PABPC4L: variants seen among roughly 807,000 people sequenced by gnomAD.
PABPC4L encodes poly(A) binding protein cytoplasmic 4 like.
For missense variants in PABPC4L, 452 were observed against 451.4 expected, an observed-to-expected ratio of 1.00 and a Z score of -0.01; for synonymous variants, 169 against 164.1, an observed-to-expected ratio of 1.03 and a Z score of -0.23.
At chr4:134,049,736 G>GT in the PABPC4L span, among the ~76,000 whole-genome samples, 1 of 152,152 alleles carries the variant, frequency 6.6e-6, no homozygotes, top group African/African-American at 2.4e-5. Context: ...ATTTGAAAGT[G>GT]TTTTTTAAAA....
chr4:134,052,573 C>T, the PABPC4L span, among the ~76,000 whole-genome samples: 1 of 151,848 alleles, frequency 6.6e-6, no homozygotes, highest in Non-Finnish European at 1.5e-5. Flanking sequence ...TAAGTAATCT[C>T]TTGTCGGTTC....
chr4:134,087,810 C>T, the PABPC4L span, among the ~76,000 whole-genome samples: 1 of 152,114 alleles, frequency 6.6e-6, no homozygotes, highest in Non-Finnish European at 1.5e-5. Context: ...TCCTCCTGGC[C>T]TTTTCCCTCT....
At chr4:133,970,353 T>C in the PABPC4L span, among the ~76,000 whole-genome samples, 13 of 152,014 alleles carry the variant, frequency 8.6e-5, no homozygotes, top group African/African-American at 3.1e-4. Context: ...TCCTCTTTCC[T>C]CATTTTACAT....
At chr4:134,034,351 A>G in the PABPC4L span, among the ~76,000 whole-genome samples, 1 of 151,950 alleles carries the variant, frequency 6.6e-6, no homozygotes. Flanking sequence ...GTACAAGGAA[A>G]TAAATGTTGT....
chr4:134,179,489 T>A, the PABPC4L span, among the ~76,000 whole-genome samples: 38 of 152,186 alleles, frequency 2.5e-4, no homozygotes, highest in African/African-American at 8.7e-4. Context: ...GAAGTCTGCA[T>A]AATATCCAGC....
At chr4:134,109,771 C>T in the PABPC4L span, among the ~76,000 whole-genome samples, 1 of 149,150 alleles carries the variant, frequency 6.7e-6, no homozygotes, top group South Asian at 2.1e-4. Context: ...TTTGAGACAT[C>T]GTCTTGCTCT....
the PABPC4L span, among the ~76,000 whole-genome samples, chr4:134,188,667 C>T: frequency 6.6e-6 from 1 of 152,154 alleles, no homozygotes; most frequent in Non-Finnish European, 1.5e-5. Context: ...TGCTTGGTTA[C>T]TAAGAACTCA....
the PABPC4L span, among the ~76,000 whole-genome samples, chr4:134,059,386 C>CTATATATATATATATATA: frequency 2.8e-5 from 4 of 142,534 alleles, no homozygotes; most frequent in Admixed American, 2.8e-4. Context: ...AGGAAACAAA[C>CTATATATATATATATATA]TATATATATA....
At chr4:134,162,809 A>G in the PABPC4L span, among the ~76,000 whole-genome samples, 1 of 152,128 alleles carries the variant, frequency 6.6e-6, no homozygotes, top group Non-Finnish European at 1.5e-5. Context: ...AAATTTTTCA[A>G]AATGAATATT....
chr4:134,151,526 A>G, the PABPC4L span, among the ~76,000 whole-genome samples: 1 of 152,066 alleles, frequency 6.6e-6, no homozygotes, highest in Non-Finnish European at 1.5e-5. Context: ...TTTATTTCAG[A>G]ATGGTAACTT....
the PABPC4L span, among the ~76,000 whole-genome samples, chr4:133,957,906 G>A: frequency 7.2e-5 from 11 of 152,292 alleles, no homozygotes; most frequent in Admixed American, 2.0e-4. Flanking sequence ...CTGAGGCTGC[G>A]CAGAGCAGGG....
the PABPC4L span, among the ~76,000 whole-genome samples, chr4:134,001,467 A>G: frequency 5.3e-5 from 8 of 152,240 alleles, no homozygotes; most frequent in Non-Finnish European, 1.2e-4. Context: ...GCAATGTTTT[A>G]TCATCATAGT....
the PABPC4L span, among the ~76,000 whole-genome samples, chr4:134,160,559 C>T: frequency 9.2e-5 from 14 of 152,240 alleles, no homozygotes; most frequent in African/African-American, 2.4e-4. Flanking sequence ...AATGCCAAGA[C>T]GTTGATAAAT....
At chr4:133,995,251 C>T in the PABPC4L span, among the ~76,000 whole-genome samples, 1 of 152,160 alleles carries the variant, frequency 6.6e-6, no homozygotes, top group Non-Finnish European at 1.5e-5. Context: ...TTACCTTGGT[C>T]TCTACTATTG....
At chr4:134,046,786 T>A in the PABPC4L span, among the ~76,000 whole-genome samples, 3 of 152,218 alleles carry the variant, frequency 2.0e-5, no homozygotes, top group African/African-American at 4.8e-5. Context: ...ACAAGGCACA[T>A]CCTGCACAGC....
At chr4:133,998,806 A>G in the PABPC4L span, among the ~76,000 whole-genome samples, 1 of 151,530 alleles carries the variant, frequency 6.6e-6, no homozygotes. Flanking sequence ...CATAAGTAGG[A>G]TCTTTCCCCC....
the PABPC4L span, among the ~76,000 whole-genome samples, chr4:134,175,581 T>G: frequency 2.0e-5 from 3 of 152,090 alleles, no homozygotes; most frequent in Non-Finnish European, 2.9e-5. Context: ...CCTGAGTAGC[T>G]GGGATTACAG....
the PABPC4L span, among the ~76,000 whole-genome samples, chr4:134,043,284 T>G: frequency 6.6e-6 from 1 of 152,174 alleles, no homozygotes; most frequent in Non-Finnish European, 1.5e-5. Flanking sequence ...ATTGACTGTT[T>G]ATCTGAAAAG....
chr4:134,149,872 G>T, the PABPC4L span, among the ~76,000 whole-genome samples: 2 of 152,034 alleles, frequency 1.3e-5, no homozygotes, highest in Non-Finnish European at 2.9e-5. Context: ...GCTTTTCAAG[G>T]GATGGTAGCA....
Sources: allele counts gnomAD v4.1 joint callset (sites outside exome capture counted in the v4.1 genomes callset), GRCh38; gene constraint gnomAD v4.1.1; transcripts MANE v1.5; gene names NCBI Gene and HGNC (gene_info 2026-07-23, HGNC 2026-07-21).